The following TSC22D3 variants were observed in gnomAD, a reference collection of about 807,000 sequenced individuals.
TSC22D3 encodes the protein TSC22 domain family protein 3.
Under a neutral mutation model 11.1 loss-of-function variants are expected in TSC22D3, and 4 were observed. The observed-to-expected ratio is 0.36, with a 90% CI of 0.18 to 0.83. TSC22D3 has a LOEUF of 0.83. Among genes scored for constraint, TSC22D3 ranks in the 40% least tolerant of loss-of-function variants. The pLI is 0.48. For missense variants in TSC22D3, 118 were observed against 159.4 expected, an observed-to-expected ratio of 0.74 and a Z score of 1.40; for synonymous variants, 77 against 70.3, an observed-to-expected ratio of 1.10 and a Z score of -0.48.
chrX:107,758,973 G>A (rs750370687), intron 1 of TSC22D3, among the ~76,000 whole-genome samples: 14 of 111,017 alleles, frequency 1.3e-4, no homozygotes, highest in African/African-American at 3.9e-4. Context: ...CTCCGCCTCC[G>A]GGGTTCAAGT....
chrX:107,716,075 GCCCAGAGTTCC>G (rs1927002202), intron 1 of TSC22D3, 125 bp from the exon 2 acceptor site: 65 of 809,547 alleles, frequency 8.0e-5, no homozygotes, highest in Middle Eastern at 4.4e-4. Context: ...CGCCTCCCTG[GCCCAGAGTTCC>G]GGACAGTTTG....
intron 1 of TSC22D3, among the ~76,000 whole-genome samples, chrX:107,756,307 G>C (rs1452323065): frequency 8.9e-6 from 1 of 112,228 alleles, no homozygotes; most frequent in African/African-American, 3.2e-5. Context: ...TTTAAGAAAT[G>C]CCTCATCCTT....
At chrX:107,767,113 G>A (rs1239744147) in intron 1 of TSC22D3, among the ~76,000 whole-genome samples, 2 of 111,586 alleles carry the variant, frequency 1.8e-5, no homozygotes, top group Admixed American at 9.5e-5. Context: ...AGCACGGAGC[G>A]GGAATCCTGG....
At chrX:107,754,789 T>C (rs1396773602) in intron 1 of TSC22D3, among the ~76,000 whole-genome samples, 2 of 112,416 alleles carry the variant, frequency 1.8e-5, no homozygotes, top group Non-Finnish European at 3.8e-5. Context: ...GGTGATTGCG[T>C]CCTCTGCAGT....
intron 1 of TSC22D3, among the ~76,000 whole-genome samples, chrX:107,740,980 A>G (rs1928378599): frequency 9.1e-6 from 1 of 109,712 alleles, no homozygotes; most frequent in Non-Finnish European, 1.9e-5. Context: ...TGAACATCAC[A>G]AGGATCCTGC....
chrX:107,716,112 T>C (rs1927007185), intron 1 of TSC22D3, 162 bp from the exon 2 acceptor site: 1 of 656,006 alleles, frequency 1.5e-6, no homozygotes, highest in Admixed American at 3.7e-5. Flanking sequence ...AGATCCTTCC[T>C]TGGCCCCTGC....
chrX:107,716,784 T>C lies in TSC22D3; in HGVS notation c.321-834A>G, dbSNP rs1428363020. The C allele has an allele frequency of 2.5e-6, 3 of 1,205,155 alleles. No homozygotes were observed. In the African/African-American group the frequency reaches 5.4e-5, roughly 21 times the overall value. ...TGCAGCTGGTAGACCGCCACCTCCA[T>C]GGGGGTCTGATACATTTCGGTGTTC... On this transcript the variant is annotated intron_variant, in intron 1 of 2. Coordinates refer to ENST00000372383, the MANE Select transcript of TSC22D3 (RefSeq NM_198057.3).
chrX:107,767,213 A>T (rs982405595), intron 1 of TSC22D3, among the ~76,000 whole-genome samples: 1 of 111,846 alleles, frequency 8.9e-6, no homozygotes, highest in Non-Finnish European at 1.9e-5. Flanking sequence ...CTATTCTGTG[A>T]GTAAAGTCTT....
chrX:107,761,894 G>GC (rs1315640657), intron 1 of TSC22D3, among the ~76,000 whole-genome samples: 1 of 112,185 alleles, frequency 8.9e-6, no homozygotes. Flanking sequence ...CACTTGCAGT[G>GC]CCCCATGTCT....
chrX:107,722,565 G>T (rs750440830), intron 1 of TSC22D3, among the ~76,000 whole-genome samples: 1 of 111,925 alleles, frequency 8.9e-6, no homozygotes, highest in Non-Finnish European at 1.9e-5. Context: ...ATTTATTGGC[G>T]ACTTATCCAG....
intron 1 of TSC22D3, among the ~76,000 whole-genome samples, chrX:107,749,108 T>G (rs56380129): frequency 0.024 from 2,637 of 108,838 alleles, 81 homozygotes; most frequent in African/African-American, 0.084. Context: ...GCCGAAGCGG[T>G]TGTATCACCT....
chrX:107,719,153 G>A (rs767745218), intron 1 of TSC22D3, among the ~76,000 whole-genome samples: 2 of 111,749 alleles, frequency 1.8e-5, no homozygotes, highest in Non-Finnish European at 3.8e-5. Flanking sequence ...GGCTGGCAGG[G>A]GAAAAACACC....
chrX:107,730,551 C>A (rs1448061699), intron 1 of TSC22D3, among the ~76,000 whole-genome samples: 1 of 111,710 alleles, frequency 9.0e-6, no homozygotes, highest in Non-Finnish European at 1.9e-5. Flanking sequence ...GATGGGTCAT[C>A]TCCATTTCAA....
chrX:107,734,367 C>G (rs1322318642), intron 1 of TSC22D3, among the ~76,000 whole-genome samples: 1 of 112,772 alleles, frequency 8.9e-6, no homozygotes, highest in African/African-American at 3.2e-5. Flanking sequence ...GGGGGCAAAG[C>G]CCTTGCTTTC....
intron 1 of TSC22D3, among the ~76,000 whole-genome samples, chrX:107,751,958 C>T (rs1308351834): frequency 1.8e-5 from 2 of 112,524 alleles, no homozygotes; most frequent in African/African-American, 6.5e-5. Flanking sequence ...GGAAGGGGAG[C>T]ACATTCAGTT....
At chrX:107,733,820 G>A (rs1927998001) in intron 1 of TSC22D3, among the ~76,000 whole-genome samples, 1 of 111,916 alleles carries the variant, frequency 8.9e-6, no homozygotes, top group Non-Finnish European at 1.9e-5. Flanking sequence ...TACTTGCGCT[G>A]GGGAAGATGT....
intron 1 of TSC22D3, among the ~76,000 whole-genome samples, chrX:107,736,270 G>A (rs1379543822): frequency 1.8e-5 from 2 of 111,633 alleles, no homozygotes; most frequent in African/African-American, 6.5e-5. Context: ...AGGTACAGAG[G>A]AGGGAAGTGA....
Position 107,737,290 on chromosome X carries a change from G to A in TSC22D3, c.321-21340C>T, listed in dbSNP as rs1324141883. On this transcript the variant is annotated intron_variant, in intron 1 of 2. Coordinates refer to ENST00000372383, the MANE Select transcript of TSC22D3 (RefSeq NM_198057.3). ...TTATTCAGATTCAAGGCCCTCCCTG[G>A]CAACTGGCACCTGGTTGGAAATAAC... Among the ~76,000 whole-genome samples the A allele has an allele frequency of 2.7e-5, 3 of 111,964 alleles. No individual in the cohort carries two copies. The East Asian group carries it at 8.4e-4, about 31-fold the overall frequency.
chrX:107,771,680 T>A (rs770816004), intron 1 of TSC22D3, among the ~76,000 whole-genome samples: 1 of 112,991 alleles, frequency 8.9e-6, no homozygotes, highest in African/African-American at 3.2e-5. Flanking sequence ...TTGTGAATGT[T>A]CAAGAAGTGT....
Sources: gnomAD v4.1 joint callset for allele counts (sites outside exome capture counted in the v4.1 genomes callset) on GRCh38, gnomAD v4.1.1 for gene constraint, MANE v1.5 for transcripts, NCBI Gene and HGNC (gene_info 2026-07-23, HGNC 2026-07-21) for gene names.